Variants in AKAP10 observed in about 807,000 individuals in gnomAD.
AKAP10 encodes the protein A-kinase anchoring protein 10.
AKAP10 carries 24 observed loss-of-function variants against 80.8 expected under a neutral mutation model. The ratio of observed to expected loss-of-function variants is 0.30; its 90% CI spans 0.22 to 0.42. The LOEUF (loss-of-function observed/expected upper bound fraction) is 0.42, where lower values mean the gene tolerates loss of function less well. AKAP10 is among the 10% of genes least tolerant of loss of function. The pLI, the probability that AKAP10 is intolerant of heterozygous loss-of-function variation, is 1.00. For missense variants in AKAP10, 661 were observed against 794.9 expected (o/e 0.83, Z 2.03); for synonymous variants, 291 against 277.7 (o/e 1.05, Z -0.48).
rs2043045196 is a variant in AKAP10, at chr17:19,940,936, T to C, written c.1136A>G (p.Tyr379Cys). Reference protein sequence around the residue: ...QIEVLTSGTVYLADILFCESA... With the variant: ...QIEVLTSGTVCLADILFCESA... ...CTCACAGAAGAGAATGTCAGCCAGG[T>C]AAACAGTTCCACTGGTCAGCACTTC... The change falls in exon 7 of 15, where the codon TAC becomes TGC. Residue 379 changes from tyrosine (Y) to cysteine (C), a missense_variant. Physicochemically the swap from Tyr to Cys is radical, Grantham distance 194. Coordinates refer to ENST00000225737, the MANE Select transcript of AKAP10 (RefSeq NM_007202.4). The C allele has an allele frequency of 1.9e-6, 3 of 1,610,874 alleles. No individual in the cohort carries two copies. The highest frequency in any genetic ancestry group is 2.5e-6 in the Non-Finnish European group (3 of 1,179,176).
chr17:19,965,362 A>T (rs2043403244), intron 2 of AKAP10, among the ~76,000 whole-genome samples: 1 of 152,168 alleles, frequency 6.6e-6, no homozygotes, highest in Non-Finnish European at 1.5e-5. Flanking sequence ...ATAACAAAAA[A>T]ACTTCCGGGG....
intron 5 of AKAP10, among the ~76,000 whole-genome samples, chr17:19,946,207 A>T (rs1304828935): frequency 2.7e-4 from 9 of 32,814 alleles, no homozygotes; most frequent in Admixed American, 1.9e-3. Context: ...CATATATTTT[A>T]TATATATATA....
intron 2 of AKAP10, among the ~76,000 whole-genome samples, chr17:19,967,207 C>T (rs1191566585): frequency 6.6e-6 from 1 of 152,176 alleles, no homozygotes; most frequent in Non-Finnish European, 1.5e-5. Flanking sequence ...CCACTTCAAT[C>T]TCTGTACACT....
chr17:19,973,175 T>C (rs1434450396), intron 1 of AKAP10, among the ~76,000 whole-genome samples: 2 of 152,200 alleles, frequency 1.3e-5, no homozygotes, highest in African/African-American at 2.4e-5. Context: ...AGACAGGGTT[T>C]CACCATGTTG....
chr17:19,915,582 G>T (rs2042735075), intron 12 of AKAP10, among the ~76,000 whole-genome samples: 1 of 152,126 alleles, frequency 6.6e-6, no homozygotes, highest in Non-Finnish European at 1.5e-5. Flanking sequence ...GGATATACAG[G>T]GGTGTTTAAC....
chr17:19,909,382 A>G, intron 13 of AKAP10, 106 bp from the exon 14 acceptor site: 1 of 990,756 alleles, frequency 1.0e-6, no homozygotes, highest in Non-Finnish European at 1.4e-6. Flanking sequence ...ATTTCTACTT[A>G]TTTGGATAAG....
intron 12 of AKAP10, among the ~76,000 whole-genome samples, chr17:19,911,083 A>G (rs1354857362): frequency 6.6e-6 from 1 of 152,122 alleles, no homozygotes; most frequent in Non-Finnish European, 1.5e-5. Context: ...CAAAACCTGG[A>G]TCCTTTTCCC....
chr17:19,918,856 GACTAA>G (rs1366199117), intron 12 of AKAP10, among the ~76,000 whole-genome samples: 1 of 152,104 alleles, frequency 6.6e-6, no homozygotes, highest in Non-Finnish European at 1.5e-5. Flanking sequence ...CCTTGGATTT[GACTAA>G]ACTACTCTTC....
intron 10 of AKAP10, among the ~76,000 whole-genome samples, chr17:19,928,431 A>G (rs1322530379): frequency 5.3e-5 from 8 of 152,350 alleles, no homozygotes; most frequent in Admixed American, 3.9e-4. Flanking sequence ...ATAAGTTCCA[A>G]TGAAATGTGG....
chr17:19,946,237 T>TACTATATATATATATA (rs1491288818), intron 5 of AKAP10, among the ~76,000 whole-genome samples: 1 of 15,184 alleles, frequency 6.6e-5, no homozygotes, highest in Non-Finnish European at 1.0e-4. Context: ...TATATATATA[T>TACTATATATATATATA]TATATATATA....
Position 19,977,617 on chromosome 17 carries a change from G to C in AKAP10, c.63C>G (p.Pro21=). ...SPRTLRPDPG[P]AMSFFRRKVK... ...CTTTCCGCCGGAAGAAGGACATGGC[G>C]GGGCCCGGGTCGGGACGGAGGGTGC... Residue 21 remains proline (P), a synonymous_variant, in exon 1 of 15, where the codon CCC becomes CCG. Transcript: ENST00000225737. The C allele has an allele frequency of 2.4e-6, 3 of 1,235,192 alleles. No individual in the cohort carries two copies. Among genetic ancestry groups the C allele is most frequent in the Middle Eastern group, 2.5e-4 (1 of 4,066 alleles). 76.5% of individuals were successfully genotyped at this position (1,235,192 alleles called of 1,614,324 possible). A position where few individuals can be genotyped will look rare whatever the true frequency, so the allele number is the denominator to read the frequency against.
intron 1 of AKAP10, among the ~76,000 whole-genome samples, chr17:19,976,287 GA>G (rs1236577115): frequency 2.0e-5 from 3 of 152,070 alleles, no homozygotes; most frequent in African/African-American, 7.2e-5. Context: ...AGGGGTTCAA[GA>G]CCAGCCTAAC....
At chr17:19,924,188 A>G (rs1443054501) in intron 11 of AKAP10, among the ~76,000 whole-genome samples, 5 of 152,222 alleles carry the variant, frequency 3.3e-5, no homozygotes, top group Non-Finnish European at 7.3e-5. Context: ...CTGAGATACC[A>G]AGAGGTTAGC....
chr17:19,915,449 T>A (rs1045711430), intron 12 of AKAP10, among the ~76,000 whole-genome samples: 2 of 152,202 alleles, frequency 1.3e-5, no homozygotes, highest in African/African-American at 4.8e-5. Flanking sequence ...GCATTCAGCA[T>A]AGTGCCTGGC....
In AKAP10 at chr17:19,932,602, G is replaced by A. The variant is rs2042948336; in HGVS notation, c.1468-624C>T. 2.0e-5 allele frequency among the ~76,000 whole-genome samples: 3 copies of A among 151,928 alleles called. No individual in the cohort carries two copies. The South Asian group carries it at 6.2e-4, about 32-fold the overall frequency. ...ATATAATTTGAAACTCGATTTTTCT[G>A]GTTTATGATAAATGTTAAAGTCTTT... On this transcript the variant is annotated intron_variant, in intron 9 of 14. Coordinates refer to ENST00000225737, the MANE Select transcript of AKAP10 (RefSeq NM_007202.4).
Position 19,957,156 on chromosome 17 carries a change from T to G in AKAP10, c.877+858A>C, listed in dbSNP as rs550387404. On this transcript the variant is annotated intron_variant, in intron 4 of 14. Transcript: ENST00000225737. ...CTAATAGAGAAGAAAAAAAAACAGG[T>G]GCTCTTGTCAAAATGCTTCTAGGTC... Among the ~76,000 whole-genome samples, 9 of 151,958 alleles carry G rather than the reference T, an allele frequency of 5.9e-5. No homozygotes were observed. In the East Asian group the frequency reaches 1.7e-3, roughly 29 times the overall value.
intron 10 of AKAP10, 79 bp downstream of exon 10, chr17:19,931,723 AAAT>A: frequency 1.4e-6 from 2 of 1,445,564 alleles, no homozygotes; most frequent in Middle Eastern, 1.9e-4. Flanking sequence ...TAAAATTTAC[AAAT>A]AATAGGATCT....
chr17:19,926,276 TAAA>T (rs754551841), intron 10 of AKAP10, among the ~76,000 whole-genome samples: 1 of 132,648 alleles, frequency 7.5e-6, no homozygotes, highest in African/African-American at 2.8e-5. Flanking sequence ...TTTCATGATT[TAAA>T]AAAAAAAAAA....
Position 19,962,972 on chromosome 17 carries a change from G to A in AKAP10, c.187C>T (p.Leu63=). 6.2e-7 allele frequency: 1 copy of A among 1,613,420 alleles called. No individual in the cohort carries two copies. Among genetic ancestry groups the A allele is most frequent in the Non-Finnish European group, 8.5e-7 (1 of 1,179,536 alleles). ...ACATGACTTGGTCCTGCAGCCTCCA[G>A]CAAGGCATGATTTTTAGTGCTTTTT... ...PQKSTKNHAL[L]EAAGPSHVAI... The change falls in exon 3 of 15, where the codon CTG becomes TTG. Residue 63 remains leucine (L), a synonymous_variant. Coordinates refer to ENST00000225737, the MANE Select transcript of AKAP10 (RefSeq NM_007202.4).
Sources: allele counts gnomAD v4.1 joint callset (sites outside exome capture counted in the v4.1 genomes callset), GRCh38; gene constraint gnomAD v4.1.1; transcripts MANE v1.5; gene names NCBI Gene and HGNC (gene_info 2026-07-23, HGNC 2026-07-21).